The following MAN1A1 variants were observed in gnomAD, a reference collection of about 807,000 sequenced individuals.
MAN1A1 encodes the protein mannosidase alpha class 1A member 1.
MAN1A1 carries 29 observed loss-of-function variants against 70.8 expected under a neutral mutation model. The ratio of observed to expected loss-of-function variants is 0.41; its 90% CI spans 0.31 to 0.56. The LOEUF (loss-of-function observed/expected upper bound fraction) is 0.56. MAN1A1 is among the 20% of genes least tolerant of loss of function. MAN1A1 has a pLI of 0.29. For synonymous variants in MAN1A1, 349 were observed against 330.1 expected, an observed-to-expected ratio of 1.06 and a Z score of -0.62; for missense variants, 747 against 841.3, an observed-to-expected ratio of 0.89 and a Z score of 1.39.
At chr6:119,244,325 T>C (rs776251238) in intron 6 of MAN1A1, among the ~76,000 whole-genome samples, 1 of 152,082 alleles carries the variant, frequency 6.6e-6, no homozygotes, top group African/African-American at 2.4e-5. Context: ...AAACCTAATA[T>C]TAGAAAGGCA....
chr6:119,282,766 A>G (rs9489661), intron 5 of MAN1A1, among the ~76,000 whole-genome samples: 57,427 of 151,964 alleles, frequency 0.38, 11,339 homozygotes, highest in Non-Finnish European at 0.41. Flanking sequence ...TAATTATATA[A>G]TTACATTAAT....
chr6:119,331,010 T>C (rs1023740195), intron 2 of MAN1A1, among the ~76,000 whole-genome samples: 1 of 152,122 alleles, frequency 6.6e-6, no homozygotes, highest in South Asian at 2.1e-4. Flanking sequence ...CTCCAGTGCC[T>C]TGCACAGGGT....
At chr6:119,197,675 C>A (rs954372277) in intron 8 of MAN1A1, among the ~76,000 whole-genome samples, 2 of 152,140 alleles carry the variant, frequency 1.3e-5, no homozygotes, top group Non-Finnish European at 2.9e-5. Context: ...AAGCAAAGAC[C>A]TGAACATGGC....
At chr6:119,240,982 C>G (rs768668093) in intron 6 of MAN1A1, among the ~76,000 whole-genome samples, 26 of 152,132 alleles carry the variant, frequency 1.7e-4, no homozygotes, top group Non-Finnish European at 3.4e-4. Context: ...GGTACAGGGC[C>G]AGGTTACCAG....
chr6:119,260,976 G>GTTTTTTTTTTTTT (rs61169300), intron 5 of MAN1A1, among the ~76,000 whole-genome samples: 1 of 116,942 alleles, frequency 8.6e-6, no homozygotes, highest in Non-Finnish European at 1.7e-5. Flanking sequence ...TTTTTTTATT[G>GTTTTTTTTTTTTT]TTTTTTTTTT....
At chr6:119,267,905 A>T (rs1303822938) in intron 5 of MAN1A1, among the ~76,000 whole-genome samples, 4 of 151,792 alleles carry the variant, frequency 2.6e-5, no homozygotes, top group Admixed American at 2.6e-4. Flanking sequence ...ACTGTGGGAG[A>T]CTTATTCTAT....
chr6:119,320,686 A>G (rs1772981587), intron 2 of MAN1A1, among the ~76,000 whole-genome samples: 1 of 152,186 alleles, frequency 6.6e-6, no homozygotes, highest in Non-Finnish European at 1.5e-5. Context: ...GAAAACAGCA[A>G]CATCATGGAA....
intron 2 of MAN1A1, among the ~76,000 whole-genome samples, chr6:119,320,453 G>A (rs1347091622): frequency 6.6e-6 from 1 of 152,020 alleles, no homozygotes; most frequent in Non-Finnish European, 1.5e-5. Context: ...GAAAACAGAA[G>A]TTTTTCTCTG....
chr6:119,180,561 G>T (rs553883238), intron 11 of MAN1A1, 134 bp from the exon 12 acceptor site: 1 of 564,220 alleles, frequency 1.8e-6, no homozygotes, highest in East Asian at 3.1e-5. Flanking sequence ...TTGCCTGGGC[G>T]GAGTACAGTG....
At chr6:119,329,931 C>T (rs1372347494) in intron 2 of MAN1A1, among the ~76,000 whole-genome samples, 1 of 152,164 alleles carries the variant, frequency 6.6e-6, no homozygotes, top group Non-Finnish European at 1.5e-5. Flanking sequence ...TCTTGACTCT[C>T]AGCAGCATTT....
chr6:119,341,606 C>G (rs1773594524), intron 2 of MAN1A1, among the ~76,000 whole-genome samples: 1 of 152,150 alleles, frequency 6.6e-6, no homozygotes, highest in Non-Finnish European at 1.5e-5. Flanking sequence ...AAAGACCAAA[C>G]TCTCTGAGCT....
chr6:119,255,057 C>T (rs1775423896), intron 5 of MAN1A1, among the ~76,000 whole-genome samples: 1 of 152,130 alleles, frequency 6.6e-6, no homozygotes, highest in Non-Finnish European at 1.5e-5. Flanking sequence ...CAGATAGTAT[C>T]AGACAAGGCT....
chr6:119,204,339 G>A (rs1773799838), intron 7 of MAN1A1, among the ~76,000 whole-genome samples: 1 of 152,124 alleles, frequency 6.6e-6, no homozygotes, highest in Non-Finnish European at 1.5e-5. Flanking sequence ...GTGATGGGGG[G>A]AACATGAATT....
chr6:119,313,935 T>TA lies in MAN1A1; in HGVS notation c.604-6944dup, dbSNP rs371581760. Reference sequence around the variant, plus strand: ...AGTCAAGCCCCTCACTAAAGCTATTTAAAAAAAAAAAAAAAATCAAAACTA... The same window carrying TA: ...AGTCAAGCCCCTCACTAAAGCTATTTAAAAAAAAAAAAAAAAATCAAAACTA... On this transcript the variant is annotated intron_variant, in intron 2 of 12. Coordinates refer to ENST00000368468, the MANE Select transcript of MAN1A1 (RefSeq NM_005907.4). Among the ~76,000 whole-genome samples, 200 of 133,832 alleles carry TA rather than the reference T, an allele frequency of 1.5e-3. 1 individual carries two copies. The highest frequency in any genetic ancestry group is 4.1e-3 in the East Asian group (18 of 4,362). 87.8% of individuals were successfully genotyped at this position (133,832 alleles called of 152,430 possible).
In MAN1A1 at chr6:119,348,692, C is replaced by T. The variant is rs780705998; in HGVS notation, c.374G>A (p.Arg125His). ...AALEDNLARI[R>H]ENHERALREA... Reference sequence around the variant, plus strand: ...CCTGAGAGCCCGCTCGTGGTTTTCGCGGATCCTGGCCAAGTTGTCCTCCAG... The same window carrying T: ...CCTGAGAGCCCGCTCGTGGTTTTCGTGGATCCTGGCCAAGTTGTCCTCCAG... The change falls in exon 2 of 13, where the codon CGC becomes CAC. Residue 125 changes from arginine (R) to histidine (H), a missense_variant. Physicochemically the swap from Arg to His is conservative, Grantham distance 29 (BLOSUM62 0). Coordinates refer to ENST00000368468, the MANE Select transcript of MAN1A1 (RefSeq NM_005907.4). 1 of 1,609,924 alleles carries T rather than the reference C, an allele frequency of 6.2e-7. No individual in the cohort carries two copies. The highest frequency in any genetic ancestry group is 1.3e-5 in the African/African-American group (1 of 74,658).
intron 2 of MAN1A1, among the ~76,000 whole-genome samples, chr6:119,324,454 G>A (rs188680153): frequency 6.6e-5 from 10 of 152,268 alleles, no homozygotes; most frequent in African/African-American, 2.4e-4. Context: ...AACTGCATGA[G>A]GGGTTGGTGC....
chr6:119,316,033 T>A (rs1034657392), intron 2 of MAN1A1, among the ~76,000 whole-genome samples: 1 of 152,212 alleles, frequency 6.6e-6, no homozygotes, highest in Non-Finnish European at 1.5e-5. Flanking sequence ...GGCCAGCAAG[T>A]GACCCCTTGC....
At chr6:119,223,732 T>TA (rs2114262442) in intron 6 of MAN1A1, among the ~76,000 whole-genome samples, 1 of 152,230 alleles carries the variant, frequency 6.6e-6, no homozygotes, top group South Asian at 2.1e-4. Flanking sequence ...AGAGAATGCT[T>TA]AATGACAGAA....
chr6:119,269,505 T>TG (rs764996929), intron 5 of MAN1A1: 2 of 188,466 alleles, frequency 1.1e-5, no homozygotes, highest in Non-Finnish European at 2.2e-5. Flanking sequence ...AAGATGCAGA[T>TG]GGGGGGCCTC....
Sources: gnomAD v4.1 joint callset for allele counts (sites outside exome capture counted in the v4.1 genomes callset) on GRCh38, gnomAD v4.1.1 for gene constraint, MANE v1.5 for transcripts, NCBI Gene and HGNC (gene_info 2026-07-23, HGNC 2026-07-21) for gene names.